TACC2: variants seen among roughly 807,000 people sequenced by gnomAD.
TACC2 encodes transforming acidic coiled-coil containing protein 2, also known as transforming acidic coiled-coil-containing protein 2.
In TACC2, 137 loss-of-function variants were observed where a neutral mutation model predicts 227.3. The observed-to-expected ratio is 0.60, with a 90% CI of 0.52 to 0.69. The LOEUF (loss-of-function observed/expected upper bound fraction) is 0.69, where lower values mean the gene tolerates loss of function less well. Ranked by LOEUF, TACC2 falls within the 30% of genes least tolerant of loss-of-function variation. The pLI is 0.00. For synonymous variants in TACC2, 1,523 were observed against 1,487.5 expected (o/e 1.02, Z -0.55); for missense variants, 3,470 against 3,694.4 (o/e 0.94, Z 1.57).
At position 122,230,443 on chromosome 10, in the gene TACC2, A is replaced by C; in HGVS notation, c.8127+3A>C. On this transcript the variant is annotated splice_donor_region_variant and intron_variant, in intron 16 of 22. Transcript: ENST00000369005. ...CCCGCAGCCACCAGGATGCCAAGGT[A>C]CCGGTTTGCTGCTGCGTGCGCCACC... is the stretch of plus-strand genomic sequence containing the variant. 6.2e-7 allele frequency: 1 copy of C among 1,613,866 alleles called. No homozygotes were observed. Among genetic ancestry groups the C allele is most frequent in the Non-Finnish European group, 8.5e-7 (1 of 1,179,824 alleles).
intron 5 of TACC2, among the ~76,000 whole-genome samples, chr10:122,091,724 G>T (rs2080845117): frequency 6.6e-6 from 1 of 152,192 alleles, no homozygotes; most frequent in Non-Finnish European, 1.5e-5. Flanking sequence ...GGTCTCGGAG[G>T]AAGTCCTGCC....
Position 122,085,117 on chromosome 10 carries a change from T to C in TACC2, c.2617T>C (p.Ser873Pro). The C allele has an allele frequency of 1.2e-6, 2 of 1,614,170 alleles. No individual in the cohort carries two copies. Among genetic ancestry groups the C allele is most frequent in the Non-Finnish European group, 1.7e-6 (2 of 1,180,028 alleles). The change falls in exon 4 of 23, where the codon TCC (serine) becomes CCC (proline). Residue 873 changes from serine to proline, a missense_variant. Around this residue, in one of 10 missense-constraint regions of TACC2, gnomAD observed 1,924 missense variants for 1,978.3 expected, o/e 0.97. Transcript: ENST00000369005. Reference sequence around the variant, plus strand: ...TTTTAAGGACCAGGGAGCAGATTCTTCCCAAATCCATGTACCTGTGGAACC... The same window carrying C: ...TTTTAAGGACCAGGGAGCAGATTCTCCCCAAATCCATGTACCTGTGGAACC... ...PGFKDQGADS[S>P]QIHVPVEPQE...
At chr10:122,195,210 T>A in intron 8 of TACC2, 34 bp downstream of exon 8, 2 of 1,546,222 alleles carry the variant, frequency 1.3e-6, no homozygotes, top group Non-Finnish European at 1.8e-6. Context: ...CAGACAGCCC[T>A]GTAGAGTTGT....
intron 7 of TACC2, among the ~76,000 whole-genome samples, chr10:122,182,084 A>G (rs2093988381): frequency 1.3e-5 from 2 of 152,318 alleles, no homozygotes; most frequent in South Asian, 2.1e-4. Flanking sequence ...TCTATGTGCC[A>G]AATCATGATT....
intron 3 of TACC2, among the ~76,000 whole-genome samples, chr10:122,073,543 T>C (rs993968387): frequency 2.6e-5 from 4 of 152,242 alleles, no homozygotes; most frequent in African/African-American, 9.6e-5. Context: ...AATGTAAGGC[T>C]GTGCTTTCCA....
chr10:122,038,320 T>C (rs764739188), intron 2 of TACC2, among the ~76,000 whole-genome samples: 1 of 152,110 alleles, frequency 6.6e-6, no homozygotes, highest in African/African-American at 2.4e-5. Context: ...AGGGCTGACA[T>C]GAAAAAAGTG....
chr10:122,050,399 A>G lies in TACC2; in HGVS notation c.34-39A>G, dbSNP rs770983120. On this transcript the variant is annotated intron_variant, in intron 2 of 22. Coordinates refer to ENST00000369005, the MANE Select transcript of TACC2 (RefSeq NM_206862.4). The surrounding 1 kb of genome is among the most constrained non-coding windows in gnomAD (Gnocchi z 4.6). ...TGTTTTTGTGTTTTCAGAGACTCCT[A>G]TCTGATTTCCTTTCCAATTTCTTTT... 6 of 1,533,302 alleles carry G rather than the reference A, an allele frequency of 3.9e-6. No homozygotes were observed. The highest frequency in any genetic ancestry group is 3.4e-5 in the South Asian group (3 of 88,792). 95.0% of individuals were successfully genotyped at this position (1,533,302 alleles called of 1,614,324 possible). A position where few individuals can be genotyped will look rare whatever the true frequency, so the allele number is the denominator to read the frequency against.
chr10:122,178,471 A>G (rs1478609188), intron 7 of TACC2, among the ~76,000 whole-genome samples: 2 of 152,172 alleles, frequency 1.3e-5, no homozygotes, highest in East Asian at 1.9e-4. Context: ...TCCCGACCTC[A>G]GGTGATCTGC....
rs2295874 is a variant in TACC2, at chr10:122,211,054, C to T, written c.6629C>T (p.Ala2210Val). Reference protein sequence around the residue: ...KAACPLDSESAEGVVPPASGG... With the variant: ...KAACPLDSESVEGVVPPASGG... ...GCCTGCCCTCTGGACTCAGAGAGTGCAGAAGGGGTTGTCCCCCCGGCTTCT... is the reference window on the plus strand; with the variant it reads ...GCCTGCCCTCTGGACTCAGAGAGTGTAGAAGGGGTTGTCCCCCCGGCTTCT... The change falls in exon 9 of 23, where the codon GCA becomes GTA. Residue 2210 changes from alanine to valine, a missense_variant. Around this residue, in one of 10 missense-constraint regions of TACC2, gnomAD observed 593 missense variants for 636.6 expected, o/e 0.93. Transcript: ENST00000369005. The T allele has an allele frequency of 0.11, 181,747 of 1,612,502 alleles. 10,813 individuals are homozygous for T. The highest frequency in any genetic ancestry group is 0.16 in the South Asian group (14,371 of 90,770).
chr10:122,024,318 T>C (rs1159169397), intron 2 of TACC2, among the ~76,000 whole-genome samples: 1 of 152,100 alleles, frequency 6.6e-6, no homozygotes, highest in South Asian at 2.1e-4. Context: ...GTGAGCCATG[T>C]TTGCACTACT....
chr10:122,205,925 T>C lies in TACC2; in HGVS notation c.5972-4472T>C, dbSNP rs1593328237. Among the ~76,000 whole-genome samples the C allele has an allele frequency of 6.6e-6, 1 of 152,314 alleles. No individual in the cohort carries two copies. The highest frequency in any genetic ancestry group is 1.9e-4 in the East Asian group (1 of 5,184). ...TTTTCCCAGAATAAATATTACTAAC[T>C]GAAGATTACTATTTGTGTACTTAGA... On this transcript the variant is annotated intron_variant, in intron 8 of 22. Coordinates refer to ENST00000369005, the MANE Select transcript of TACC2 (RefSeq NM_206862.4). The surrounding 1 kb of genome is among the most constrained non-coding windows in gnomAD (Gnocchi z 4.5).
At position 122,249,046 on chromosome 10, in the gene TACC2, T is replaced by A. The variant is rs1204284798; in HGVS notation, c.8554-4T>A. 6.2e-7 allele frequency: 1 copy of A among 1,611,420 alleles called. No homozygotes were observed. The highest frequency in any genetic ancestry group is 8.5e-7 in the Non-Finnish European group (1 of 1,178,820). ...GACGCCTGTCCTCTGCCCTGCTGTG[T>A]CAGAATGAAGAGGTGTTGAAGAGAT... On this transcript the variant is annotated splice_polypyrimidine_tract_variant and splice_region_variant and intron_variant, in intron 20 of 22. Coordinates refer to ENST00000369005, the MANE Select transcript of TACC2 (RefSeq NM_206862.4).
chr10:122,165,970 T>C (rs953581780), intron 7 of TACC2, among the ~76,000 whole-genome samples: 1 of 152,248 alleles, frequency 6.6e-6, no homozygotes, highest in African/African-American at 2.4e-5. Context: ...AGTGCCTCTT[T>C]TCTGCCCAGG....
intron 8 of TACC2, among the ~76,000 whole-genome samples, chr10:122,199,280 C>T (rs1045239614): frequency 2.0e-4 from 31 of 152,370 alleles, no homozygotes; most frequent in Admixed American, 5.9e-4. Context: ...GCCAGGCACT[C>T]GTTGTGCTCT....
intron 3 of TACC2, among the ~76,000 whole-genome samples, chr10:122,061,285 CAAAAAA>C (rs58324245): frequency 3.4e-5 from 3 of 87,102 alleles, no homozygotes; most frequent in Non-Finnish European, 2.1e-5. Flanking sequence ...CACTCCGTCT[CAAAAAA>C]AAAAAAAAAA....
chr10:122,067,007 A>G (rs1565199050), intron 3 of TACC2, among the ~76,000 whole-genome samples: 1 of 152,190 alleles, frequency 6.6e-6, no homozygotes, highest in African/African-American at 2.4e-5. Context: ...TGGTCTTTAT[A>G]TATAAGCTAC....
intron 1 of TACC2, among the ~76,000 whole-genome samples, chr10:122,005,024 C>T (rs1301222724): frequency 6.6e-6 from 1 of 152,020 alleles, no homozygotes; most frequent in African/African-American, 2.4e-5. Flanking sequence ...AATACATCAT[C>T]TAGTAGATTC....
chr10:122,228,058 G>C, intron 14 of TACC2, 50 bp downstream of exon 14: 1 of 1,562,080 alleles, frequency 6.4e-7, no homozygotes, highest in Non-Finnish European at 8.7e-7. Flanking sequence ...GTGTGGGCCA[G>C]CTGCGTATTG....
intron 7 of TACC2, chr10:122,163,502 G>C (rs1023060421): frequency 7.4e-6 from 7 of 940,012 alleles, no homozygotes; most frequent in Non-Finnish European, 8.9e-6. Flanking sequence ...CCCCGTTTCC[G>C]GAGCCCGCGA....
Sources: gnomAD v4.1 joint callset for allele counts (sites outside exome capture counted in the v4.1 genomes callset) on GRCh38, gnomAD v4.1.1 for gene constraint, gnomAD v4.1.1 regional missense constraint, Gnocchi (gnomAD v3.1) non-coding constraint, MANE v1.5 for transcripts, NCBI Gene and HGNC (gene_info 2026-07-23, HGNC 2026-07-21) for gene names.